Variants in AFF3 observed in about 807,000 individuals in gnomAD.
AFF3 encodes AF4/FMR2 family member 3.
A neutral mutation model predicts 129.7 loss-of-function variants in AFF3; 32 were observed. The ratio of observed to expected loss-of-function variants is 0.25; its 90% CI spans 0.19 to 0.33. AFF3 has a LOEUF of 0.33. Ranked by LOEUF, AFF3 falls within the 10% of genes least tolerant of loss-of-function variation. The pLI is 1.00. For missense variants in AFF3, 1,373 were observed against 1,592.0 expected (o/e 0.86, Z 2.34); for synonymous variants, 644 against 635.4 (o/e 1.01, Z -0.20).
At chr2:99,970,708 G>A (rs368611220) in intron 7 of AFF3, among the ~76,000 whole-genome samples, 40 of 152,148 alleles carry the variant, frequency 2.6e-4, no homozygotes, top group South Asian at 6.2e-4. Flanking sequence ...GGGGTCTACC[G>A]TTGCCCCTAG....
At chr2:99,916,116 C>A (rs1027660054) in intron 7 of AFF3, among the ~76,000 whole-genome samples, 2 of 152,122 alleles carry the variant, frequency 1.3e-5, no homozygotes, top group East Asian at 1.9e-4. Context: ...CTGGGAAAAA[C>A]CCCATAACAA....
intron 7 of AFF3, among the ~76,000 whole-genome samples, chr2:99,932,463 G>C (rs1299817159): frequency 6.6e-5 from 10 of 152,196 alleles, no homozygotes; most frequent in Admixed American, 6.5e-4. Flanking sequence ...TTGGGTAACA[G>C]ACACAGCCAT....
intron 4 of AFF3, among the ~76,000 whole-genome samples, chr2:100,100,832 A>G (rs1690669989): frequency 6.6e-6 from 1 of 152,210 alleles, no homozygotes; most frequent in African/African-American, 2.4e-5. Flanking sequence ...TCTAGCACCT[A>G]ATCAAAAGCT....
intron 4 of AFF3, among the ~76,000 whole-genome samples, chr2:100,081,093 T>C (rs1255606801): frequency 2.2e-4 from 34 of 151,838 alleles, no homozygotes; most frequent in Non-Finnish European, 3.1e-4. Context: ...AGTCCACAAG[T>C]GGAATCAGGT....
chr2:99,976,132 G>C (rs1350815253), intron 7 of AFF3, among the ~76,000 whole-genome samples: 1 of 152,018 alleles, frequency 6.6e-6, no homozygotes, highest in Non-Finnish European at 1.5e-5. Context: ...AGATATTAAG[G>C]ATTTCTGGTG....
intron 8 of AFF3, among the ~76,000 whole-genome samples, chr2:99,755,621 C>A (rs1318968954): frequency 6.6e-6 from 1 of 152,154 alleles, no homozygotes; most frequent in African/African-American, 2.4e-5. Flanking sequence ...CCAAGCATTT[C>A]TTTTCACCTT....
chr2:99,811,218 T>C (rs562422106), intron 8 of AFF3, among the ~76,000 whole-genome samples: 21 of 152,336 alleles, frequency 1.4e-4, no homozygotes, highest in Admixed American at 4.6e-4. Context: ...TGTAAGATCA[T>C]CTATTGCCTT....
At chr2:100,011,414 G>GC (rs1682537118) in intron 4 of AFF3, 2 of 777,010 alleles carry the variant, frequency 2.6e-6, no homozygotes, top group African/African-American at 1.7e-5. Flanking sequence ...GCACGAAGTG[G>GC]CCTCATGTAA....
intron 7 of AFF3, among the ~76,000 whole-genome samples, chr2:99,891,807 G>A (rs1405190765): frequency 1.3e-5 from 2 of 151,384 alleles, no homozygotes; most frequent in Non-Finnish European, 2.9e-5. Flanking sequence ...CTCAGGCCCT[G>A]GGCTTAAAGC....
In AFF3 at chr2:99,548,235, G is replaced by A. The variant is rs931778140; in HGVS notation, c.*3239C>T. ...TGTTGAACTTTGGAGGCAAATGTACGTCTTCAAATAAAAAGACATGGTAAT... is the reference window on the plus strand; with the variant it reads ...TGTTGAACTTTGGAGGCAAATGTACATCTTCAAATAAAAAGACATGGTAAT... On this transcript the variant is annotated 3_prime_UTR_variant, in exon 25 of 25. Transcript: ENST00000672756. The A allele has an allele frequency of 2.0e-5, 4 of 196,610 alleles. No individual in the cohort carries two copies. The highest frequency in any genetic ancestry group is 1.9e-4 in the South Asian group (1 of 5,222). 12.2% of individuals were successfully genotyped at this position (196,610 alleles called of 1,614,324 possible). A position where few individuals can be genotyped will look rare whatever the true frequency, so the allele number is the denominator to read the frequency against.
intron 9 of AFF3, 117 bp downstream of exon 9, chr2:99,752,104 A>G: frequency 1.1e-6 from 1 of 887,642 alleles, no homozygotes; most frequent in South Asian, 1.7e-5. Flanking sequence ...GATCAGATTC[A>G]CGTGCCTCTG....
chr2:99,876,937 T>C (rs1007831287), intron 7 of AFF3, among the ~76,000 whole-genome samples: 2 of 152,072 alleles, frequency 1.3e-5, no homozygotes, highest in Admixed American at 1.3e-4. Context: ...AGAAGGAAAA[T>C]TGCTTAAAGT....
chr2:99,978,509 G>A (rs1679093825), intron 7 of AFF3, among the ~76,000 whole-genome samples: 1 of 152,122 alleles, frequency 6.6e-6, no homozygotes, highest in Admixed American at 6.5e-5. Flanking sequence ...AAATACAAAA[G>A]CTGGACACCA....
intron 4 of AFF3, among the ~76,000 whole-genome samples, chr2:100,052,039 G>A (rs2105149107): frequency 6.6e-6 from 1 of 152,324 alleles, no homozygotes; most frequent in South Asian, 2.1e-4. Context: ...ACAGGCTGAG[G>A]AGGAGGACTG....
At chr2:99,999,588 G>T (rs1404457694) in intron 7 of AFF3, among the ~76,000 whole-genome samples, 1 of 152,150 alleles carries the variant, frequency 6.6e-6, no homozygotes, top group East Asian at 1.9e-4. Context: ...CCCATCTGGG[G>T]TTGGACACAT....
chr2:100,090,378 T>C (rs1212741281), intron 4 of AFF3, among the ~76,000 whole-genome samples: 1 of 152,206 alleles, frequency 6.6e-6, no homozygotes, highest in Non-Finnish European at 1.5e-5. Flanking sequence ...TCCATAAAAT[T>C]TGTCAAATTA....
chr2:99,827,941 GA>G (rs2105735275), intron 8 of AFF3, among the ~76,000 whole-genome samples: 1 of 152,234 alleles, frequency 6.6e-6, no homozygotes, highest in African/African-American at 2.4e-5. Flanking sequence ...TGGGGACAGA[GA>G]AGGTGAAGCG....
intron 9 of AFF3, among the ~76,000 whole-genome samples, chr2:99,748,111 G>T (rs1445431237): frequency 6.6e-6 from 1 of 152,114 alleles, no homozygotes; most frequent in Non-Finnish European, 1.5e-5. Context: ...AACCCCAGGG[G>T]CCCCACAGGC....
At chr2:99,756,878 C>A (rs980608598) in intron 8 of AFF3, among the ~76,000 whole-genome samples, 2 of 152,130 alleles carry the variant, frequency 1.3e-5, no homozygotes, top group African/African-American at 4.8e-5. Flanking sequence ...ATTAATGAAA[C>A]GAATACCTGT....
Sources: gnomAD v4.1 joint callset for allele counts (sites outside exome capture counted in the v4.1 genomes callset) on GRCh38, gnomAD v4.1.1 for gene constraint, MANE v1.5 for transcripts, NCBI Gene and HGNC (gene_info 2026-07-23, HGNC 2026-07-21) for gene names.